SYNE2: variants seen among roughly 807,000 people sequenced by gnomAD.
SYNE2 encodes the protein spectrin repeat containing nuclear envelope protein 2.
In SYNE2, 431 loss-of-function variants were observed where a neutral mutation model predicts 856.3. That is an observed-to-expected ratio of 0.50 (90% CI 0.47 to 0.55). SYNE2 has a LOEUF of 0.55. Among genes scored for constraint, SYNE2 ranks in the 20% least tolerant of loss-of-function variants. The pLI is 0.00. For missense variants in SYNE2, 8,129 were observed against 8,023.2 expected (o/e 1.01, Z -0.50); for synonymous variants, 2,923 against 2,872.3 (o/e 1.02, Z -0.56).
At chr14:63,995,023 T>C (rs1321188607) in intron 22 of SYNE2, 21 bp from the exon 23 acceptor site, 1 of 1,449,334 alleles carries the variant, frequency 6.9e-7, no homozygotes, top group Admixed American at 1.9e-5. Flanking sequence ...GGTTAATATA[T>C]TCCTTTGATT....
chr14:64,159,999 A>G (rs1236947879), intron 87 of SYNE2, among the ~76,000 whole-genome samples: 1 of 152,168 alleles, frequency 6.6e-6, no homozygotes, highest in East Asian at 1.9e-4. Flanking sequence ...CCTCCAACCA[A>G]TTGATTAGAG....
intron 2 of SYNE2, among the ~76,000 whole-genome samples, chr14:63,931,384 T>C (rs1314723135): frequency 6.6e-6 from 1 of 151,740 alleles, no homozygotes; most frequent in Non-Finnish European, 1.5e-5. Context: ...ACCCCGTCTG[T>C]ACTAAAAATA....
chr14:64,183,070 C>T (rs1258851447), intron 96 of SYNE2, among the ~76,000 whole-genome samples: 1 of 151,284 alleles, frequency 6.6e-6, no homozygotes, highest in Non-Finnish European at 1.5e-5. Flanking sequence ...ACGCTCCTCA[C>T]TTCCCGGACG....
chr14:64,204,243 ACATTAC>A (rs2140024453), intron 100 of SYNE2: 1 of 152,338 alleles, frequency 6.6e-6, no homozygotes, highest in Non-Finnish European at 1.5e-5. Context: ...ATTTTAATGG[ACATTAC>A]AGAGATTTTA....
intron 107 of SYNE2, chr14:64,215,960 T>C: frequency 7.4e-7 from 1 of 1,356,566 alleles, no homozygotes. Flanking sequence ...AGACCCGGCC[T>C]TGCCACTCAG....
chr14:63,875,461 C>A (rs1296569188), intron 1 of SYNE2, among the ~76,000 whole-genome samples: 1 of 152,140 alleles, frequency 6.6e-6, no homozygotes, highest in Non-Finnish European at 1.5e-5. Flanking sequence ...CATTTTAGGG[C>A]TCTCTTCCAA....
At position 64,079,538 on chromosome 14, in the gene SYNE2, T is replaced by G. The variant is rs574598350; in HGVS notation, c.11164-918T>G. Among the ~76,000 whole-genome samples, 37 of 152,312 alleles carry G rather than the reference T, an allele frequency of 2.4e-4. No individual in the cohort carries two copies. The South Asian group carries it at 6.6e-3, about 27-fold the overall frequency. On this transcript the variant is annotated intron_variant, in intron 55 of 115. Transcript: ENST00000555002. ...CTCAAGATAGGGAAAAAAATGTTCT[T>G]AAGCAAACATTAAGAATTGAATATT...
At chr14:64,022,919 C>A in intron 38 of SYNE2, 56 bp downstream of exon 38, 1 of 905,660 alleles carries the variant, frequency 1.1e-6, no homozygotes, top group Non-Finnish European at 1.8e-6. Context: ...ATACTGGAGG[C>A]ATAGAACTGT....
intron 9 of SYNE2, among the ~76,000 whole-genome samples, chr14:63,962,528 G>A (rs1356164755): frequency 6.6e-6 from 1 of 152,126 alleles, no homozygotes; most frequent in Non-Finnish European, 1.5e-5. Flanking sequence ...CTATTCTTTA[G>A]CTTCATGTAA....
intron 46 of SYNE2, 77 bp from the exon 47 acceptor site, chr14:64,049,534 A>G: frequency 6.7e-7 from 1 of 1,500,900 alleles, no homozygotes; most frequent in South Asian, 1.2e-5. Context: ...GTGTTATCTC[A>G]AAGAGGAAAG....
intron 9 of SYNE2, among the ~76,000 whole-genome samples, chr14:63,963,685 C>A (rs1214961628): frequency 2.0e-5 from 3 of 152,082 alleles, no homozygotes; most frequent in Non-Finnish European, 4.4e-5. Flanking sequence ...GTTGCTTGCC[C>A]ATTTCTTTAG....
At chr14:63,784,337 A>C in intron 1 of SYNE2, among the ~76,000 whole-genome samples, 1 of 151,552 alleles carries the variant, frequency 6.6e-6, no homozygotes, top group East Asian at 1.9e-4. Context: ...CTAAAAAAAA[A>C]AATACAAAAA....
intron 6 of SYNE2, among the ~76,000 whole-genome samples, chr14:63,947,445 C>G (rs946221385): frequency 6.6e-6 from 1 of 152,170 alleles, no homozygotes; most frequent in Non-Finnish European, 1.5e-5. Flanking sequence ...TTTAGATCTA[C>G]CGTCTTTCAA....
At chr14:64,092,547 A>G (rs1012945293) in intron 60 of SYNE2, among the ~76,000 whole-genome samples, 1 of 152,236 alleles carries the variant, frequency 6.6e-6, no homozygotes, top group African/African-American at 2.4e-5. Context: ...GGCTAAAATT[A>G]TAGTTAAATA....
intron 1 of SYNE2, among the ~76,000 whole-genome samples, chr14:63,795,030 T>G (rs1484126441): frequency 1.3e-5 from 2 of 152,188 alleles, no homozygotes; most frequent in African/African-American, 4.8e-5. Context: ...CTCAGCCTCC[T>G]GAGTAGCTAG....
At chr14:64,164,152 C>T (rs1442945042) in intron 89 of SYNE2, among the ~76,000 whole-genome samples, 1 of 151,696 alleles carries the variant, frequency 6.6e-6, no homozygotes. Flanking sequence ...TTCTGTCGCC[C>T]AGGCTGGAGT....
At position 64,049,762 on chromosome 14, in the gene SYNE2, C is replaced by T; in HGVS notation, c.7529C>T (p.Thr2510Ile). The T allele has an allele frequency of 6.2e-7, 1 of 1,614,096 alleles. No individual in the cohort carries two copies. The highest frequency in any genetic ancestry group is 1.1e-5 in the South Asian group (1 of 91,076). The stretch of plus-strand genomic sequence containing the variant: ...GACAATTTGCTTCAGGCACTTATTA[C>T]TTTGAAGAAAAACAAAGAAAGCCAA... ...HLDNLLQALI[T>I]LKKNKESQYC... is the part of the protein sequence containing the mutation. The change falls in exon 47 of 116, where the codon ACT becomes ATT. Residue 2510 changes from threonine to isoleucine, a missense_variant. Thr to Ile is a moderately conservative substitution (Grantham distance 89). This residue lies in a region of SYNE2 where 5,410 missense variants were observed against 5,284.8 expected (regional missense o/e 1.02). Transcript: ENST00000555002.
chr14:64,011,249 G>A (rs2096842793), intron 32 of SYNE2, among the ~76,000 whole-genome samples: 1 of 152,176 alleles, frequency 6.6e-6, no homozygotes, highest in Non-Finnish European at 1.5e-5. Context: ...TACAGTATGT[G>A]ACTGTGTAGC....
At chr14:64,133,934 C>T in intron 77 of SYNE2, 135 bp from the exon 78 acceptor site, 1 of 1,050,938 alleles carries the variant, frequency 9.5e-7, no homozygotes, top group Non-Finnish European at 1.4e-6. Flanking sequence ...GGTTACGTCT[C>T]TCGAACACAC....
Sources: allele counts gnomAD v4.1 joint callset (sites outside exome capture counted in the v4.1 genomes callset), GRCh38; gene constraint gnomAD v4.1.1; regional missense constraint gnomAD v4.1.1; transcripts MANE v1.5; gene names NCBI Gene and HGNC (gene_info 2026-07-23, HGNC 2026-07-21).